PLD5: variants seen among roughly 807,000 people sequenced by gnomAD.
The protein encoded by PLD5 is phospholipase D family member 5, also known as inactive phospholipase D5.
Under a neutral mutation model 61.1 loss-of-function variants are expected in PLD5, and 36 were observed. The observed-to-expected ratio is 0.59, with a 90% CI of 0.45 to 0.78. The LOEUF is 0.78. Among genes scored for constraint, PLD5 ranks in the 30% least tolerant of loss-of-function variants. The pLI is 0.00. For missense variants in PLD5, 515 were observed against 644.4 expected (o/e 0.80, Z 2.17); for synonymous variants, 243 against 242.8 (o/e 1.00, Z -0.01).
intron 2 of PLD5, among the ~76,000 whole-genome samples, chr1:242,340,631 T>G (rs1018670941): frequency 2.6e-5 from 4 of 152,178 alleles, no homozygotes; most frequent in African/African-American, 9.7e-5. Flanking sequence ...CACATTAACA[T>G]ATTTAGTCTT....
rs758184450 is a variant in PLD5 at position 242,256,182 on chromosome 1, C to CATT, written c.607+9154_607+9155insAAT. Among the ~76,000 whole-genome samples the CATT allele has an allele frequency of 5.9e-5, 9 of 152,244 alleles. 1 individual carries two copies. The highest frequency in any genetic ancestry group is 3.9e-4 in the Admixed American group (6 of 15,302). On this transcript the variant is annotated intron_variant, in intron 4 of 9. Coordinates refer to ENST00000536534, the MANE Select transcript of PLD5 (RefSeq NM_001372062.1). This position sits in a 1 kb window ranked among gnomAD's most constrained non-coding sequence, Gnocchi z 5.7. The stretch of plus-strand genomic sequence containing the variant: ...TGTATGACTTGAGTCACAAGGGGAG[C>CATT]AGATGAGTGGATGCAGAGGGCTGAG...
intron 2 of PLD5, among the ~76,000 whole-genome samples, chr1:242,343,943 C>A (rs575040206): frequency 3.2e-4 from 48 of 152,088 alleles, no homozygotes; most frequent in African/African-American, 1.1e-3. Flanking sequence ...GGACAATGGC[C>A]AAATCATATA....
intron 1 of PLD5, among the ~76,000 whole-genome samples, chr1:242,441,166 G>A (rs79137747): frequency 6.6e-6 from 1 of 152,274 alleles, no homozygotes; most frequent in Non-Finnish European, 1.5e-5. Context: ...CATGGTGCTA[G>A]CCATCAAGAG....
chr1:242,245,811 GC>G (rs1377548263), intron 4 of PLD5, among the ~76,000 whole-genome samples: 1 of 152,070 alleles, frequency 6.6e-6, no homozygotes, highest in Non-Finnish European at 1.5e-5. Context: ...TGTTAGTGGG[GC>G]CCAGTACTGT....
At chr1:242,519,158 T>C (rs536084854) in intron 1 of PLD5, among the ~76,000 whole-genome samples, 72 of 152,368 alleles carry the variant, frequency 4.7e-4, no homozygotes, top group African/African-American at 1.7e-3. Flanking sequence ...TTGAACTCTG[T>C]CTTCTGGCGC....
intron 2 of PLD5, among the ~76,000 whole-genome samples, chr1:242,332,107 A>G (rs902154505): frequency 1.5e-4 from 23 of 151,752 alleles, no homozygotes; most frequent in African/African-American, 5.1e-4. Flanking sequence ...TCATTGTTCA[A>G]CTCCCACTTA....
intron 1 of PLD5, among the ~76,000 whole-genome samples, chr1:242,501,148 T>A (rs1298937030): frequency 2.0e-5 from 3 of 152,194 alleles, no homozygotes; most frequent in Non-Finnish European, 4.4e-5. Flanking sequence ...AAAGACTCAC[T>A]AGCACTGAAC....
chr1:242,099,642 G>C (rs1301305953), intron 9 of PLD5, among the ~76,000 whole-genome samples: 10 of 152,114 alleles, frequency 6.6e-5, no homozygotes, highest in Admixed American at 2.0e-4. Flanking sequence ...AAGTCTTAGG[G>C]TCCAAGTTTC....
chr1:242,366,911 A>G (rs757490394), intron 1 of PLD5, among the ~76,000 whole-genome samples: 23 of 152,198 alleles, frequency 1.5e-4, no homozygotes, highest in Non-Finnish European at 3.1e-4. Flanking sequence ...TTTTTTTACT[A>G]CTTATAAACT....
intron 4 of PLD5, among the ~76,000 whole-genome samples, chr1:242,253,353 C>T (rs1672824736): frequency 6.7e-6 from 1 of 148,536 alleles, no homozygotes; most frequent in South Asian, 2.2e-4. Flanking sequence ...CGCTCTGTCG[C>T]CCAGGCTGGA....
intron 3 of PLD5, among the ~76,000 whole-genome samples, chr1:242,282,236 G>A (rs1329628571): frequency 6.6e-6 from 1 of 152,186 alleles, no homozygotes; most frequent in Admixed American, 6.5e-5. Context: ...GGCAGGTTCT[G>A]TTATCGCCCT....
At chr1:242,286,144 G>A (rs1574667786) in intron 3 of PLD5, among the ~76,000 whole-genome samples, 1 of 152,090 alleles carries the variant, frequency 6.6e-6, no homozygotes, top group African/African-American at 2.4e-5. Flanking sequence ...AATATAAGTA[G>A]AAGGGAAGAA....
intron 1 of PLD5, among the ~76,000 whole-genome samples, chr1:242,406,968 G>A (rs1474468788): frequency 6.6e-6 from 1 of 152,076 alleles, no homozygotes; most frequent in South Asian, 2.1e-4. Context: ...TTTTGTTTCT[G>A]CAATGACTTT....
chr1:242,150,562 C>G (rs1664855613), intron 5 of PLD5, among the ~76,000 whole-genome samples: 1 of 151,684 alleles, frequency 6.6e-6, no homozygotes. Flanking sequence ...TAATGTTGCT[C>G]TTTATTTCTG....
At chr1:242,334,791 C>T (rs1266275742) in intron 2 of PLD5, among the ~76,000 whole-genome samples, 2 of 152,146 alleles carry the variant, frequency 1.3e-5, no homozygotes, top group African/African-American at 2.4e-5. Flanking sequence ...TCCCAGGGGA[C>T]TTTCATGGCC....
chr1:242,089,628 G>A lies in PLD5; in HGVS notation c.*226C>T, dbSNP rs1050997118. ...TGCAAACGTAAAAACTAACTTCTAC[G>A]CCAGAATGACATTCTCTGTCAGAGG... On this transcript the variant is annotated 3_prime_UTR_variant, in exon 10 of 10. Coordinates refer to ENST00000536534, the MANE Select transcript of PLD5 (RefSeq NM_001372062.1). 2.6e-5 allele frequency: 15 copies of A among 585,080 alleles called. No individual in the cohort carries two copies. The Admixed American group carries it at 3.9e-4, about 15-fold the overall frequency. The allele number at this position is 585,080 out of a possible 1,614,324, so 36.2% of individuals were successfully genotyped here. A position where few individuals can be genotyped will look rare whatever the true frequency, so the allele number is the denominator to read the frequency against.
chr1:242,258,195 A>T (rs1484377664), intron 4 of PLD5, among the ~76,000 whole-genome samples: 1 of 152,118 alleles, frequency 6.6e-6, no homozygotes, highest in Non-Finnish European at 1.5e-5. Context: ...ATTTTTGGAT[A>T]GGCACACTTC....
intron 2 of PLD5, among the ~76,000 whole-genome samples, chr1:242,318,640 T>G (rs764480586): frequency 1.3e-4 from 19 of 151,730 alleles, no homozygotes; most frequent in South Asian, 2.1e-4. Context: ...TATAACTTTT[T>G]GGGGCTTTTG....
chr1:242,296,158 G>A lies in PLD5; in HGVS notation c.327-7628C>T, dbSNP rs1452615949. ...TTCATAGTAAACCCATGTTTACCAT[G>A]ATGTTGGGCATTTTTCTTATGTTGG... On this transcript the variant is annotated intron_variant, in intron 2 of 9. Transcript: ENST00000536534. Among the ~76,000 whole-genome samples the A allele has an allele frequency of 1.3e-5, 2 of 152,180 alleles. 1 individual carries two copies. Among genetic ancestry groups the A allele is most frequent in the Non-Finnish European group, 2.9e-5 (2 of 68,024 alleles).
Sources: allele counts gnomAD v4.1 joint callset (sites outside exome capture counted in the v4.1 genomes callset), GRCh38; gene constraint gnomAD v4.1.1; non-coding constraint Gnocchi (gnomAD v3.1); transcripts MANE v1.5; gene names NCBI Gene and HGNC (gene_info 2026-07-23, HGNC 2026-07-21).